The following PGPEP1 variants were observed in gnomAD, a reference collection of about 807,000 sequenced individuals.
The protein encoded by PGPEP1 is pyroglutamyl-peptidase 1.
In PGPEP1, 15 loss-of-function variants were observed where a neutral mutation model predicts 24.1. The ratio of observed to expected loss-of-function variants is 0.62; its 90% confidence interval spans 0.42 to 0.96. The LOEUF is 0.96. Ranked by LOEUF, PGPEP1 falls within the 40% of genes least tolerant of loss-of-function variation. The pLI, the probability that PGPEP1 is intolerant of heterozygous loss-of-function variation, is 0.00. For synonymous variants in PGPEP1, 122 were observed against 116.4 expected (o/e 1.05, Z -0.31); for missense variants, 242 against 273.4 (o/e 0.89, Z 0.81).
chr19:18,345,557 T>TA lies in PGPEP1; in HGVS notation c.87+2659dup, dbSNP rs548430287. 0.029 allele frequency among the ~76,000 whole-genome samples: 3,995 copies of TA among 138,340 alleles called. 276 individuals are homozygous for TA. The East Asian group carries it at 0.31, about 11-fold the overall frequency. 90.8% of individuals were successfully genotyped at this position (138,340 alleles called of 152,430 possible). ...GGCCAACATAGCAAGACCCCATCTC[T>TA]AAAAAAAAAAAAATACAAACAGCCG... On this transcript the variant is annotated intron_variant, in intron 2 of 4. Coordinates refer to ENST00000269919, the MANE Select transcript of PGPEP1 (RefSeq NM_017712.4).
At chr19:18,352,171 C>G (rs2088587399) in intron 2 of PGPEP1, among the ~76,000 whole-genome samples, 2 of 145,822 alleles carry the variant, frequency 1.4e-5, no homozygotes, top group South Asian at 4.4e-4. Context: ...ACTCCGGAGG[C>G]TGAGGCAGGA....
rs1568306398 is a variant in PGPEP1 at position 18,340,784 on chromosome 19, G to A, written c.34+69G>A. On this transcript the variant is annotated intron_variant, in intron 1 of 4. Transcript: ENST00000269919. ...GAGGCGGGGGCGGCTCCGGGACTGC[G>A]GGGCCGAGAGGGGCAGGTGCTGGAA... 7.1e-6 allele frequency: 8 copies of A among 1,122,734 alleles called. No individual in the cohort carries two copies. The South Asian group carries it at 8.3e-5, about 12-fold the overall frequency. The allele number at this position is 1,122,734 out of a possible 1,614,324, so 69.5% of individuals were successfully genotyped here. A position where few individuals can be genotyped will look rare whatever the true frequency, so the allele number is the denominator to read the frequency against.
At position 18,340,639 on chromosome 19, in the gene PGPEP1, C is replaced by T. The variant is rs760427293; in HGVS notation, c.-43C>T. The T allele has an allele frequency of 1.3e-6, 2 of 1,514,078 alleles. No individual in the cohort carries two copies. The highest frequency in any genetic ancestry group is 8.8e-7 in the Non-Finnish European group (1 of 1,134,008). 93.8% of individuals were successfully genotyped at this position (1,514,078 alleles called of 1,614,324 possible). A position where few individuals can be genotyped will look rare whatever the true frequency, so the allele number is the denominator to read the frequency against. On this transcript the variant is annotated 5_prime_UTR_variant, in exon 1 of 5. Transcript: ENST00000269919. ...GCTGCAGCGGCAGCAGCTGTCGCGC[C>T]AGTCGCAACAGAAGCAGGTCCGAGG... is the stretch of plus-strand genomic sequence containing the variant.
At chr19:18,356,231 G>T (rs182305755) in intron 3 of PGPEP1, among the ~76,000 whole-genome samples, 1 of 151,960 alleles carries the variant, frequency 6.6e-6, no homozygotes, top group Non-Finnish European at 1.5e-5. Context: ...TCAGGAGTTC[G>T]CAACCAGCCT....
intron 2 of PGPEP1, among the ~76,000 whole-genome samples, chr19:18,354,580 C>T (rs569530549): frequency 8.1e-4 from 124 of 152,178 alleles, no homozygotes; most frequent in Middle Eastern, 3.4e-3. Context: ...CGCAGTGGCA[C>T]GATCATAGCT....
At chr19:18,349,815 T>G (rs961682896) in intron 2 of PGPEP1, among the ~76,000 whole-genome samples, 1 of 152,190 alleles carries the variant, frequency 6.6e-6, no homozygotes, top group Non-Finnish European at 1.5e-5. Context: ...TTCATTTTGT[T>G]TTTAATTTTG....
rs78961627 is a variant in PGPEP1 at position 18,345,771 on chromosome 19, G to A, written c.87+2860G>A. Among the ~76,000 whole-genome samples the A allele has an allele frequency of 0.026, 4,002 of 151,130 alleles. 294 individuals are homozygous for A. In the East Asian group the frequency reaches 0.31, roughly 12 times the overall value. On this transcript the variant is annotated intron_variant, in intron 2 of 4. Coordinates refer to ENST00000269919, the MANE Select transcript of PGPEP1 (RefSeq NM_017712.4). ...GAAAAGAAATTTGGCCAGGCACAGC[G>A]GCTCACGCCTGTAATCCTAGCGCTT... is the stretch of plus-strand genomic sequence containing the variant.
chr19:18,358,560 G>A (rs1351682502), intron 4 of PGPEP1, among the ~76,000 whole-genome samples: 1 of 146,146 alleles, frequency 6.8e-6, no homozygotes. Context: ...GCGCCCAGCC[G>A]ACCTCATCTT....
rs1600230328 is a variant in PGPEP1 at position 18,364,501 on chromosome 19, C to T, written c.*918C>T. The T allele has an allele frequency of 1.3e-5, 2 of 152,340 alleles. No homozygotes were observed. Among genetic ancestry groups the T allele is most frequent in the East Asian group, 3.9e-4 (2 of 5,184 alleles). The allele number at this position is 152,340 out of a possible 1,614,324, so 9.4% of individuals were successfully genotyped here. A position where few individuals can be genotyped will look rare whatever the true frequency, so the allele number is the denominator to read the frequency against. Reference sequence around the variant, plus strand: ...TGGTGATGAGTGCCTGTAGTCCCAGCTACTCGGGAGGCTGAGGCTGGAGAA... The same window carrying T: ...TGGTGATGAGTGCCTGTAGTCCCAGTTACTCGGGAGGCTGAGGCTGGAGAA... On this transcript the variant is annotated 3_prime_UTR_variant, in exon 5 of 5. Transcript: ENST00000269919.
chr19:18,363,269 A>C, intron 4 of PGPEP1, 122 bp from the exon 5 acceptor site: 1 of 706,518 alleles, frequency 1.4e-6, no homozygotes, highest in South Asian at 2.0e-5. Flanking sequence ...GTGTTGTTCC[A>C]TCTTGTGGGT....
chr19:18,349,327 A>AT (rs1970952934), intron 2 of PGPEP1, among the ~76,000 whole-genome samples: 1 of 151,760 alleles, frequency 6.6e-6, no homozygotes, highest in African/African-American at 2.4e-5. Context: ...GACTCAGCTA[A>AT]TTTTTGTATT....
chr19:18,354,961 CTTTTTTTT>C (rs761843314), intron 2 of PGPEP1, among the ~76,000 whole-genome samples: 3 of 94,714 alleles, frequency 3.2e-5, no homozygotes, highest in East Asian at 3.2e-4. Context: ...TAAGTCGATA[CTTTTTTTT>C]TTTTTTTTTT....
chr19:18,358,569 T>C (rs950829619), intron 4 of PGPEP1, among the ~76,000 whole-genome samples: 1 of 151,328 alleles, frequency 6.6e-6, no homozygotes, highest in Non-Finnish European at 1.5e-5. Context: ...CGACCTCATC[T>C]TAATTTAACT....
At chr19:18,341,028 C>T (rs1970657651) in intron 1 of PGPEP1, among the ~76,000 whole-genome samples, 1 of 152,140 alleles carries the variant, frequency 6.6e-6, no homozygotes, top group African/African-American at 2.4e-5. Context: ...GCACCTGCCT[C>T]CTCTGTCTGG....
intron 2 of PGPEP1, among the ~76,000 whole-genome samples, chr19:18,346,952 T>A (rs1008017395): frequency 6.6e-6 from 1 of 151,904 alleles, no homozygotes; most frequent in Non-Finnish European, 1.5e-5. Flanking sequence ...TTCTCTCTCT[T>A]GTGTCTTTCT....
chr19:18,361,666 C>G (rs1024635241), intron 4 of PGPEP1: 1 of 918,682 alleles, frequency 1.1e-6, no homozygotes, highest in African/African-American at 1.8e-5. Context: ...GGGAAAAATT[C>G]TCATTCCCTC....
In PGPEP1 at chr19:18,340,695, G is replaced by T; in HGVS notation, c.14G>T (p.Arg5Met). 6.5e-7 allele frequency: 1 copy of T among 1,541,146 alleles called. No homozygotes were observed. Reference protein sequence around the residue: MEQPRKAVVVTGFGP... With the variant: MEQPMKAVVVTGFGP... The stretch of plus-strand genomic sequence containing the variant: ...CCCGATCCCGCCATGGAGCAGCCGA[G>T]GAAGGCGGTGGTAGTGACGGGTACG... Residue 5 changes from arginine (R) to methionine (M), a missense_variant, in exon 1 of 5, where the codon AGG (arginine) becomes ATG (methionine). Physicochemically the swap from Arg to Met is moderately conservative, Grantham distance 91. Coordinates refer to ENST00000269919, the MANE Select transcript of PGPEP1 (RefSeq NM_017712.4).
At chr19:18,355,390 A>G (rs985085367) in intron 2 of PGPEP1, among the ~76,000 whole-genome samples, 3 of 151,846 alleles carry the variant, frequency 2.0e-5, no homozygotes, top group Admixed American at 6.6e-5. Context: ...CCTCCTAAGT[A>G]GCTGAGATTA....
chr19:18,362,862 A>G (rs1394141149), intron 4 of PGPEP1, among the ~76,000 whole-genome samples: 1 of 152,030 alleles, frequency 6.6e-6, no homozygotes, highest in Non-Finnish European at 1.5e-5. Flanking sequence ...CTGTCTCAAT[A>G]AACAAAAAAT....
Sources: gnomAD v4.1 joint callset for allele counts (sites outside exome capture counted in the v4.1 genomes callset) on GRCh38, gnomAD v4.1.1 for gene constraint, MANE v1.5 for transcripts, NCBI Gene and HGNC (gene_info 2026-07-23, HGNC 2026-07-21) for gene names.